POT1: variants seen among roughly 807,000 people sequenced by gnomAD.
POT1 encodes the protein protection of telomeres 1, also known as protection of telomeres protein 1.
A neutral mutation model predicts 78.5 loss-of-function variants in POT1; 47 were observed. The observed-to-expected ratio is 0.60, with a 90% CI of 0.47 to 0.76. POT1 has a LOEUF of 0.76. Among genes scored for constraint, POT1 ranks in the 30% least tolerant of loss-of-function variants. POT1 has a pLI of 0.00. For synonymous variants in POT1, 259 were observed against 260.7 expected (o/e 0.99, Z 0.06); for missense variants, 646 against 749.9 (o/e 0.86, Z 1.62).
rs144505427 is a variant in POT1, at chr7:124,822,590, T to C, written c.*1372A>G. On this transcript the variant is annotated 3_prime_UTR_variant, in exon 19 of 19. Coordinates refer to ENST00000357628, the MANE Select transcript of POT1 (RefSeq NM_015450.3). ...AAATGTTTATTTCACCTTTGTATCC[T>C]GAGCACATCATCAACACGGAAACAC... 383 of 452,862 alleles carry C rather than the reference T, an allele frequency of 8.5e-4. 2 individuals are homozygous for C. Among genetic ancestry groups the C allele is most frequent in the African/African-American group, 6.7e-3 (335 of 50,150 alleles). The allele number at this position is 452,862 out of a possible 1,614,324, so 28.1% of individuals were successfully genotyped here. A position where few individuals can be genotyped will look rare whatever the true frequency, so the allele number is the denominator to read the frequency against.
At chr7:124,830,866 C>T (rs1794742854) in intron 15 of POT1, among the ~76,000 whole-genome samples, 1 of 152,016 alleles carries the variant, frequency 6.6e-6, no homozygotes, top group Non-Finnish European at 1.5e-5. Context: ...ATGGAATACA[C>T]TAGAAGTATG....
chr7:124,852,776 C>G (rs192556216), intron 10 of POT1, among the ~76,000 whole-genome samples, 196 bp downstream of exon 10: 109 of 152,136 alleles, frequency 7.2e-4, no homozygotes, highest in African/African-American at 2.5e-3. Flanking sequence ...AAAACTTCAA[C>G]TATAACCCTG....
At chr7:124,894,449 C>T (rs28665869) in intron 5 of POT1, among the ~76,000 whole-genome samples, 76 of 151,640 alleles carry the variant, frequency 5.0e-4, no homozygotes, top group Middle Eastern at 3.4e-3. Flanking sequence ...ACCAAGTAAC[C>T]GCCATTTGTT....
In POT1 at chr7:124,834,556, G is replaced by A. The variant is rs147719516; in HGVS notation, c.1505+723C>T. 3.8e-3 allele frequency among the ~76,000 whole-genome samples: 570 copies of A among 151,722 alleles called. 10 individuals carry two copies. The highest frequency in any genetic ancestry group is 0.013 in the African/African-American group (524 of 41,220). ...AAACCACAATGAGATACCATCTCAC[G>A]CCACTTAGAATGGCGATCATTAAAA... On this transcript the variant is annotated intron_variant, in intron 15 of 18. Transcript: ENST00000357628.
chr7:124,827,357 C>A, intron 16 of POT1, 52 bp from the exon 17 acceptor site: 4 of 1,058,324 alleles, frequency 3.8e-6, no homozygotes, highest in South Asian at 1.7e-5. Context: ...TCCTTATTAT[C>A]AAGGTAAAGT....
At chr7:124,910,007 A>G (rs1298365112) in intron 3 of POT1, among the ~76,000 whole-genome samples, 1 of 151,946 alleles carries the variant, frequency 6.6e-6, no homozygotes, top group Non-Finnish European at 1.5e-5. Context: ...CAAAAAACAG[A>G]TAGTTACTTG....
At chr7:124,921,974 A>G (rs1797161700) in intron 2 of POT1, among the ~76,000 whole-genome samples, 3 of 152,232 alleles carry the variant, frequency 2.0e-5, no homozygotes, top group East Asian at 3.9e-4. Flanking sequence ...AAATTCAAAG[A>G]AAAAGCTTAC....
intron 8 of POT1, among the ~76,000 whole-genome samples, chr7:124,863,037 G>GGACTACAAACTAT (rs1795635224): frequency 6.6e-6 from 1 of 151,906 alleles, no homozygotes; most frequent in Admixed American, 6.6e-5. Context: ...TTCATGTATA[G>GGACTACAAACTAT]GACTACAAAC....
intron 17 of POT1, among the ~76,000 whole-genome samples, chr7:124,825,650 A>G (rs982853540): frequency 2.0e-5 from 3 of 152,166 alleles, no homozygotes; most frequent in Admixed American, 6.5e-5. Flanking sequence ...CTTTGTGCAT[A>G]GAAAAAAAAA....
At chr7:124,920,904 C>A (rs1409335833) in intron 2 of POT1, among the ~76,000 whole-genome samples, 2 of 151,568 alleles carry the variant, frequency 1.3e-5, no homozygotes, top group Non-Finnish European at 2.9e-5. Flanking sequence ...CCAGCCTGGG[C>A]AACACAGAAA....
rs1423293998 is a variant in POT1 at position 124,898,312 on chromosome 7, AC to A, written c.-92del. The A allele has an allele frequency of 6.6e-6, 1 of 151,782 alleles. No homozygotes were observed. Among genetic ancestry groups the A allele is most frequent in the Non-Finnish European group, 1.5e-5 (1 of 67,904 alleles). The allele number at this position is 151,782 out of a possible 1,614,324, so 9.4% of individuals were successfully genotyped here. A position where few individuals can be genotyped will look rare whatever the true frequency, so the allele number is the denominator to read the frequency against. Reference sequence around the variant, plus strand: ...ATGCTTTCAAAAATATGCAAGGTTTACCATCTCTGCTTGTAGATGAAGAAGC... The same window carrying A: ...ATGCTTTCAAAAATATGCAAGGTTTACATCTCTGCTTGTAGATGAAGAAGC... On this transcript the variant is annotated 5_prime_UTR_variant, in exon 4 of 19. It introduces an in-frame stop codon into an upstream open reading frame of the 5' UTR. Transcript: ENST00000357628.
At chr7:124,864,963 G>C (rs1795685217) in intron 7 of POT1, among the ~76,000 whole-genome samples, 1 of 152,104 alleles carries the variant, frequency 6.6e-6, no homozygotes, top group South Asian at 2.1e-4. Context: ...TCTTTGGCCT[G>C]AATATCATTC....
chr7:124,834,933 G>A (rs1584752967), intron 15 of POT1, among the ~76,000 whole-genome samples: 1 of 152,190 alleles, frequency 6.6e-6, no homozygotes, highest in Non-Finnish European at 1.5e-5. Context: ...ATGAGTTCAT[G>A]TCCTTGCCAG....
chr7:124,897,279 T>C (rs966536553), intron 4 of POT1, 67 bp from the exon 5 acceptor site: 55 of 587,560 alleles, frequency 9.4e-5, no homozygotes, highest in African/African-American at 1.5e-4. Flanking sequence ...ATGCTTTTAG[T>C]TGTAGTAAAA....
chr7:124,923,889 TCAAA>T (rs142399246), intron 2 of POT1, among the ~76,000 whole-genome samples: 1,669 of 151,130 alleles, frequency 0.011, 10 homozygotes, highest in African/African-American at 0.018. Context: ...TTCCAAGTGC[TCAAA>T]CAAACAAACA....
chr7:124,872,348 C>T (rs1447852581), intron 6 of POT1, among the ~76,000 whole-genome samples: 1 of 152,138 alleles, frequency 6.6e-6, no homozygotes, highest in African/African-American at 2.4e-5. Context: ...TACTCCCTAT[C>T]TGAAGTGTCA....
intron 3 of POT1, among the ~76,000 whole-genome samples, chr7:124,904,862 C>G (rs1389521626): frequency 2.0e-5 from 3 of 151,000 alleles, no homozygotes; most frequent in African/African-American, 7.3e-5. Context: ...AACAGACAAA[C>G]AGCCAAATCA....
At chr7:124,846,018 A>T (rs1309267113) in intron 12 of POT1, among the ~76,000 whole-genome samples, 1 of 152,126 alleles carries the variant, frequency 6.6e-6, no homozygotes, top group Non-Finnish European at 1.5e-5. Context: ...TGTTTCACCA[A>T]GGAGCTCTGA....
intron 6 of POT1, among the ~76,000 whole-genome samples, chr7:124,891,117 T>C (rs529876714): frequency 1.3e-5 from 2 of 151,926 alleles, no homozygotes; most frequent in Non-Finnish European, 3.0e-5. Flanking sequence ...AGTGGTGAAA[T>C]GAAACCTCCT....
Sources: gnomAD v4.1 joint callset for allele counts (sites outside exome capture counted in the v4.1 genomes callset) on GRCh38, gnomAD v4.1.1 for gene constraint, MANE v1.5 for transcripts, NCBI Gene and HGNC (gene_info 2026-07-23, HGNC 2026-07-21) for gene names.